ANKRD44: variants seen among roughly 807,000 people sequenced by gnomAD.
ANKRD44 encodes the protein serine/threonine-protein phosphatase 6 regulatory ankyrin repeat subunit B.
ANKRD44 carries 35 observed loss-of-function variants against 116.0 expected under a neutral mutation model. The observed-to-expected ratio is 0.30, with a 90% CI of 0.23 to 0.40. The LOEUF is 0.40. Ranked by LOEUF, ANKRD44 falls within the 10% of genes least tolerant of loss-of-function variation. The pLI is 1.00. For missense variants in ANKRD44, 1,014 were observed against 1,242.6 expected, an observed-to-expected ratio of 0.82 and a Z score of 2.77; for synonymous variants, 435 against 461.8, an observed-to-expected ratio of 0.94 and a Z score of 0.74.
At chr2:197,298,950 A>C (rs2083811046) in intron 1 of ANKRD44, among the ~76,000 whole-genome samples, 2 of 152,068 alleles carry the variant, frequency 1.3e-5, no homozygotes, top group African/African-American at 4.8e-5. Flanking sequence ...AAAATGCTAG[A>C]GTTTTATAGT....
chr2:197,084,500 A>T (rs1449207980), intron 13 of ANKRD44, among the ~76,000 whole-genome samples: 10 of 152,120 alleles, frequency 6.6e-5, no homozygotes, highest in Admixed American at 2.0e-4. Flanking sequence ...GAGGGTAGGG[A>T]TGTTGGTTAA....
chr2:197,078,171 T>C (rs1024446375), intron 16 of ANKRD44: 1 of 157,324 alleles, frequency 6.4e-6, no homozygotes, highest in African/African-American at 2.4e-5. Context: ...ATCATGACAA[T>C]TATGACATGG....
In ANKRD44 at chr2:197,110,765, C is replaced by A; in HGVS notation, c.985+1G>T. The A allele has an allele frequency of 6.2e-7, 1 of 1,612,124 alleles. No individual in the cohort carries two copies. The highest frequency in any genetic ancestry group is 8.5e-7 in the Non-Finnish European group (1 of 1,178,254). On this transcript the variant is annotated splice_donor_variant, in intron 9 of 27. Transcript: ENST00000282272. LOFTEE classifies it high-confidence loss of function. Reference sequence around the variant, plus strand: ...TGACACTACTGAAGCATCTCTCTTACCATTCTGAATGAGGGTCTGTGACCG... The same window carrying A: ...TGACACTACTGAAGCATCTCTCTTAACATTCTGAATGAGGGTCTGTGACCG...
intron 16 of ANKRD44, among the ~76,000 whole-genome samples, chr2:197,072,123 G>A (rs1209910410): frequency 1.3e-5 from 2 of 151,680 alleles, no homozygotes; most frequent in African/African-American, 4.9e-5. Context: ...GAGGAGGGAG[G>A]GTAGGGGGAG....
chr2:197,035,576 G>A (rs2076792338), intron 16 of ANKRD44, among the ~76,000 whole-genome samples: 1 of 152,182 alleles, frequency 6.6e-6, no homozygotes, highest in East Asian at 1.9e-4. Context: ...TCTTTTAGCA[G>A]TGAAGACTGA....
chr2:197,274,591 G>A (rs148588565), intron 1 of ANKRD44, among the ~76,000 whole-genome samples: 1,647 of 152,306 alleles, frequency 0.011, 9 homozygotes, highest in Non-Finnish European at 0.017. Flanking sequence ...TGCCAGGTGT[G>A]CTGAGGCCTT....
Position 197,048,914 on chromosome 2 carries a change from T to C in ANKRD44, c.1651-23647A>G, listed in dbSNP as rs545339700. The stretch of plus-strand genomic sequence containing the variant: ...GGATGGTATCTCATTGTGGTTTTGA[T>C]TTGCATTTCTCTGATGACCAGTGAT... On this transcript the variant is annotated intron_variant, in intron 16 of 27. Coordinates refer to ENST00000282272, the MANE Select transcript of ANKRD44 (RefSeq NM_001195144.2). Among the ~76,000 whole-genome samples, 6 of 152,352 alleles carry C rather than the reference T, an allele frequency of 3.9e-5. No homozygotes were observed. In the East Asian group the frequency reaches 1.2e-3, roughly 29 times the overall value.
At chr2:197,037,563 T>C (rs953808080) in intron 16 of ANKRD44, among the ~76,000 whole-genome samples, 3 of 152,226 alleles carry the variant, frequency 2.0e-5, no homozygotes, top group African/African-American at 7.2e-5. Flanking sequence ...TGATAACACA[T>C]TTGCTTGCTT....
At chr2:197,080,711 C>T (rs1012598506) in intron 15 of ANKRD44, among the ~76,000 whole-genome samples, 2 of 152,232 alleles carry the variant, frequency 1.3e-5, no homozygotes, top group African/African-American at 4.8e-5. Context: ...GAGCCACACT[C>T]TCTAACTTCC....
intron 21 of ANKRD44, among the ~76,000 whole-genome samples, chr2:197,005,332 A>G (rs902316761): frequency 6.6e-6 from 1 of 152,204 alleles, no homozygotes; most frequent in African/African-American, 2.4e-5. Flanking sequence ...TTATTAAATT[A>G]TATACATATA....
chr2:197,259,682 G>T (rs2082544898), intron 1 of ANKRD44, among the ~76,000 whole-genome samples: 3 of 152,192 alleles, frequency 2.0e-5, no homozygotes, highest in African/African-American at 4.8e-5. Flanking sequence ...GCCAGGTGCT[G>T]AGCTTGGCAC....
rs141852853 is a variant in ANKRD44 at position 197,292,215 on chromosome 2, G to A, written c.27+18363C>T. On this transcript the variant is annotated intron_variant, in intron 1 of 27. Coordinates refer to ENST00000282272, the MANE Select transcript of ANKRD44 (RefSeq NM_001195144.2). The stretch of plus-strand genomic sequence containing the variant: ...AGTAATGGGATTGCTGGGTCAAATA[G>A]TATTTCTAGTTCTAGATTCTTGAGA... Among the ~76,000 whole-genome samples, 1,259 of 152,326 alleles carry A rather than the reference G, an allele frequency of 8.3e-3. 10 individuals carry two copies. Among genetic ancestry groups the A allele is most frequent in the South Asian group, 0.026 (124 of 4,828 alleles).
At chr2:197,074,598 A>C (rs1350976130) in intron 16 of ANKRD44, among the ~76,000 whole-genome samples, 2 of 152,176 alleles carry the variant, frequency 1.3e-5, no homozygotes, top group African/African-American at 4.8e-5. Context: ...CCGCCTCCTG[A>C]GTAGCTAGGA....
exon 22 of ANKRD44, chr2:196,967,018 T>C (rs1482114957): frequency 6.5e-6 from 1 of 153,608 alleles, no homozygotes; most frequent in Non-Finnish European, 1.5e-5. Flanking sequence ...AGTTACTTGT[T>C]ATAGCATCCA....
intron 1 of ANKRD44, among the ~76,000 whole-genome samples, chr2:197,218,750 C>CTTTTT (rs2081509413): frequency 1.4e-5 from 1 of 69,204 alleles, no homozygotes; most frequent in Non-Finnish European, 2.8e-5. Flanking sequence ...GGGTAAAGTC[C>CTTTTT]CTTTTTTTTT....
Position 197,078,887 on chromosome 2 carries a change from C to G in ANKRD44, c.1539-73G>C, listed in dbSNP as rs114084479. The G allele has an allele frequency of 2.3e-4, 345 of 1,478,698 alleles. 1 individual carries two copies. The African/African-American group carries it at 4.5e-3, about 19-fold the overall frequency. 91.6% of individuals were successfully genotyped at this position (1,478,698 alleles called of 1,614,324 possible). The stretch of plus-strand genomic sequence containing the variant: ...GAAAAAGATAATTTATGTAAATCCT[C>G]CTATTACGAACGTTCCATGAAGTAC... On this transcript the variant is annotated intron_variant, in intron 15 of 27. Transcript: ENST00000282272.
intron 10 of ANKRD44, among the ~76,000 whole-genome samples, chr2:197,093,125 T>C (rs549176807): frequency 6.0e-5 from 9 of 149,670 alleles, no homozygotes; most frequent in South Asian, 4.2e-4. Flanking sequence ...CACACACACA[T>C]ATGTTCATAT....
rs544362365 is a variant in ANKRD44, at chr2:197,248,578, G to GTGTA, written c.28-61473_28-61472insTACA. 7.8e-3 allele frequency among the ~76,000 whole-genome samples: 1,124 copies of GTGTA among 144,238 alleles called. 22 individuals are homozygous for GTGTA. Among genetic ancestry groups the GTGTA allele is most frequent in the African/African-American group, 0.022 (816 of 37,248 alleles). The allele number at this position is 144,238 out of a possible 152,430, so 94.6% of individuals were successfully genotyped here. On this transcript the variant is annotated intron_variant, in intron 1 of 27. Transcript: ENST00000282272. ...TATGTGTGTGTGTGTGTGTGTGTGT[G>GTGTA]TATATATATATATAAAGAGAGAGAT... is the stretch of plus-strand genomic sequence containing the variant.
intron 1 of ANKRD44, among the ~76,000 whole-genome samples, chr2:197,272,432 T>C (rs371586759): frequency 1.1e-4 from 17 of 152,262 alleles, no homozygotes; most frequent in African/African-American, 3.9e-4. Context: ...GAGATAGGGT[T>C]TCACCATGTT....
Sources: allele counts gnomAD v4.1 joint callset (sites outside exome capture counted in the v4.1 genomes callset), GRCh38; gene constraint gnomAD v4.1.1; transcripts MANE v1.5; gene names NCBI Gene and HGNC (gene_info 2026-07-23, HGNC 2026-07-21).